The following IKZF1 variants were observed in gnomAD, a reference collection of about 807,000 sequenced individuals.
IKZF1 encodes the protein IKAROS family zinc finger 1.
A neutral mutation model predicts 51.7 loss-of-function variants in IKZF1; 10 were observed. The ratio of observed to expected loss-of-function variants is 0.19; its 90% CI spans 0.12 to 0.33. IKZF1 has a LOEUF of 0.33. Ranked by LOEUF, IKZF1 falls within the 10% of genes least tolerant of loss-of-function variation. The probability of loss-of-function intolerance (pLI) is 1.00; values close to 1 mark genes in which losing one functional copy is unlikely to be tolerated. For synonymous variants in IKZF1, 280 were observed against 282.3 expected (o/e 0.99, Z 0.08); for missense variants, 484 against 707.5 (o/e 0.68, Z 3.58).
Position 50,327,368 on chromosome 7 carries a change from G to A in IKZF1, c.41-270G>A, listed in dbSNP as rs1276979015. The A allele has an allele frequency of 4.2e-5, 12 of 282,476 alleles. No individual in the cohort carries two copies. The Admixed American group carries it at 5.3e-4, about 13-fold the overall frequency. 17.5% of individuals were successfully genotyped at this position (282,476 alleles called of 1,614,324 possible). ...ATAATGTCACCTCATATTATTTATA[G>A]TATATAAAGATGATTTTAAGAGTGG... On this transcript the variant is annotated intron_variant, in intron 2 of 7. Transcript: ENST00000331340.
At chr7:50,306,305 G>A (rs753403295) in intron 1 of IKZF1, among the ~76,000 whole-genome samples, 11 of 151,764 alleles carry the variant, frequency 7.2e-5, no homozygotes, top group Non-Finnish European at 1.3e-4. Flanking sequence ...TTTTTTACAT[G>A]AAAAAAAACG....
chr7:50,383,880 AT>A (rs1280875610), intron 5 of IKZF1, among the ~76,000 whole-genome samples: 3 of 152,224 alleles, frequency 2.0e-5, no homozygotes, highest in Non-Finnish European at 4.4e-5. Flanking sequence ...TGATGCGTGT[AT>A]TTGATGGTTG....
At chr7:50,399,511 T>C (rs1477068005) in intron 7 of IKZF1, among the ~76,000 whole-genome samples, 2 of 152,014 alleles carry the variant, frequency 1.3e-5, no homozygotes, top group African/African-American at 4.8e-5. Context: ...TATAGTAAGT[T>C]AGCCAGTTGT....
intron 7 of IKZF1, chr7:50,394,017 C>T (rs1815979787): frequency 8.6e-6 from 2 of 232,300 alleles, no homozygotes; most frequent in South Asian, 1.8e-4. Context: ...TGGAGCCACT[C>T]CCCAACCCCC....
chr7:50,325,503 A>G (rs1039313348), intron 2 of IKZF1, among the ~76,000 whole-genome samples: 1 of 152,202 alleles, frequency 6.6e-6, no homozygotes, highest in Admixed American at 6.5e-5. Flanking sequence ...GGCCGGGCGC[A>G]GTGGCTCATG....
At position 50,382,831 on chromosome 7, in the gene IKZF1, C is replaced by T. The variant is rs1584927290; in HGVS notation, c.589+124C>T. On this transcript the variant is annotated intron_variant, in intron 5 of 7. Coordinates refer to ENST00000331340, the MANE Select transcript of IKZF1 (RefSeq NM_006060.6). ...GAGTCCCTCCCAGCTCGCAGTCCTG[C>T]ATCGGGTGTGAGCTGTTGCTTCTTT... 5 of 1,228,776 alleles carry T rather than the reference C, an allele frequency of 4.1e-6. No individual in the cohort carries two copies. In the East Asian group the frequency reaches 1.3e-4, roughly 31 times the overall value. 76.1% of individuals were successfully genotyped at this position (1,228,776 alleles called of 1,614,324 possible).
At chr7:50,305,369 CT>C (rs1359425151) in intron 1 of IKZF1, among the ~76,000 whole-genome samples, 2 of 152,152 alleles carry the variant, frequency 1.3e-5, no homozygotes, top group Non-Finnish European at 2.9e-5. Context: ...AAAGTTAGTC[CT>C]TTTGCTGACC....
chr7:50,392,597 C>T (rs970719218), intron 7 of IKZF1, among the ~76,000 whole-genome samples: 4 of 152,148 alleles, frequency 2.6e-5, no homozygotes, highest in Non-Finnish European at 5.9e-5. Context: ...AGTAAAATGG[C>T]TCTGCCCCTA....
chr7:50,336,513 G>A (rs1425731999), intron 3 of IKZF1, among the ~76,000 whole-genome samples: 2 of 152,210 alleles, frequency 1.3e-5, no homozygotes, highest in African/African-American at 4.8e-5. Flanking sequence ...GCTGACCTGG[G>A]AATAGCCCTT....
In IKZF1 at chr7:50,377,043, C is replaced by T. The variant is rs1174096530; in HGVS notation, c.421+250C>T. 6 of 581,784 alleles carry T rather than the reference C, an allele frequency of 1.0e-5. No homozygotes were observed. In the East Asian group the frequency reaches 1.3e-4, roughly 12 times the overall value. 36.0% of individuals were successfully genotyped at this position (581,784 alleles called of 1,614,324 possible). On this transcript the variant is annotated intron_variant, in intron 4 of 7. Coordinates refer to ENST00000331340, the MANE Select transcript of IKZF1 (RefSeq NM_006060.6). ...AACAAGGGAAAAGTGAACAGCATCA[C>T]ATGAGAGGCTTGGCGAGGGCTGCTA... is the stretch of plus-strand genomic sequence containing the variant.
intron 5 of IKZF1, among the ~76,000 whole-genome samples, chr7:50,383,085 T>C (rs919739588): frequency 7.9e-5 from 12 of 152,214 alleles, no homozygotes; most frequent in Non-Finnish European, 1.8e-4. Context: ...TCAAGTACAA[T>C]TCTTTCTGTT....
intron 4 of IKZF1, among the ~76,000 whole-genome samples, chr7:50,381,987 G>C (rs894156563): frequency 1.3e-5 from 2 of 152,188 alleles, no homozygotes; most frequent in Non-Finnish European, 1.5e-5. Flanking sequence ...AGAAGAAATT[G>C]AAAGGGAAAA....
rs979298075 is a variant in IKZF1 at position 50,391,783 on chromosome 7, G to C, written c.770G>C (p.Gly257Ala). The C allele has an allele frequency of 2.5e-6, 4 of 1,613,854 alleles. No individual in the cohort carries two copies. In the African/African-American group the frequency reaches 4.0e-5, roughly 16 times the overall value. The change falls in exon 7 of 8, where the codon GGA (glycine) becomes GCA (alanine). Residue 257 changes from glycine to alanine, a missense_variant. Gly to Ala is a moderately conservative substitution (Grantham distance 60, BLOSUM62 0). Coordinates refer to ENST00000331340, the MANE Select transcript of IKZF1 (RefSeq NM_006060.6). ...ATGGCAGAAGACCTGTGCAAGATAGGATCAGAGAGATCTCTCGTGCTGGAC... is the reference window on the plus strand; with the variant it reads ...ATGGCAGAAGACCTGTGCAAGATAGCATCAGAGAGATCTCTCGTGCTGGAC... Reference protein sequence around the residue: ...SEMAEDLCKIGSERSLVLDRL... With the variant: ...SEMAEDLCKIASERSLVLDRL...
At chr7:50,365,292 T>G (rs899593284) in intron 3 of IKZF1, among the ~76,000 whole-genome samples, 1 of 152,208 alleles carries the variant, frequency 6.6e-6, no homozygotes, top group Non-Finnish European at 1.5e-5. Flanking sequence ...ACACGGATGG[T>G]ACAGGAACAA....
At chr7:50,390,628 C>T (rs1022034656) in intron 6 of IKZF1, among the ~76,000 whole-genome samples, 5 of 152,150 alleles carry the variant, frequency 3.3e-5, no homozygotes, top group Non-Finnish European at 1.5e-5. Context: ...CGTCCATGGG[C>T]CTCTGCCCAA....
intron 2 of IKZF1, among the ~76,000 whole-genome samples, chr7:50,324,327 C>T (rs1406599750): frequency 6.6e-6 from 1 of 152,170 alleles, no homozygotes; most frequent in African/African-American, 2.4e-5. Context: ...ATCAGACAAC[C>T]TCTTAAGAAC....
chr7:50,327,936 C>G, intron 3 of IKZF1, 179 bp downstream of exon 3: 1 of 706,904 alleles, frequency 1.4e-6, no homozygotes, highest in South Asian at 2.0e-5. Context: ...GGAGGATGGA[C>G]ACTCACAGGC....
intron 3 of IKZF1, among the ~76,000 whole-genome samples, chr7:50,339,070 C>T (rs905780687): frequency 5.3e-5 from 8 of 152,176 alleles, no homozygotes; most frequent in Non-Finnish European, 1.0e-4. Flanking sequence ...ATTTACACCA[C>T]AGAAATCGGT....
intron 7 of IKZF1, chr7:50,393,832 G>A (rs1431732342): frequency 8.6e-6 from 2 of 233,018 alleles, no homozygotes; most frequent in Non-Finnish European, 1.7e-5. Flanking sequence ...TATGGGCAGA[G>A]ATAAGGCAGC....
Sources: gnomAD v4.1 joint callset for allele counts (sites outside exome capture counted in the v4.1 genomes callset) on GRCh38, gnomAD v4.1.1 for gene constraint, MANE v1.5 for transcripts, NCBI Gene and HGNC (gene_info 2026-07-23, HGNC 2026-07-21) for gene names.